The following ARHGEF37 variants were observed in gnomAD, a reference collection of about 807,000 sequenced individuals.
ARHGEF37 encodes Rho guanine nucleotide exchange factor 37.
ARHGEF37 carries 55 observed loss-of-function variants against 71.1 expected under a neutral mutation model. That is an observed-to-expected ratio of 0.77 (90% CI 0.62 to 0.97). The LOEUF is 0.97. Ranked by LOEUF, ARHGEF37 falls within the 50% of genes least tolerant of loss-of-function variation. The pLI is 0.00. For missense variants in ARHGEF37, 765 were observed against 836.8 expected (o/e 0.91, Z 1.06); for synonymous variants, 327 against 350.6 (o/e 0.93, Z 0.75).
At chr5:149,580,215 C>A (rs1763081048), upstream of ARHGEF37, among the ~76,000 whole-genome samples, 1 of 152,142 alleles carries the variant, frequency 6.6e-6, no homozygotes, top group African/African-American at 2.4e-5. Context: ...TGTGCACCAC[C>A]ACGCCCAGCT....
At chr5:149,556,854 A>G (rs1762763205) in intron 1 of ARHGEF37, among the ~76,000 whole-genome samples, 1 of 152,204 alleles carries the variant, frequency 6.6e-6, no homozygotes, top group Non-Finnish European at 1.5e-5. Flanking sequence ...CCTGTGCATA[A>G]TCAGCATCAG....
At chr5:149,558,785 A>C (rs1762789868) in intron 1 of ARHGEF37, among the ~76,000 whole-genome samples, 9 of 151,896 alleles carry the variant, frequency 5.9e-5, no homozygotes, top group Admixed American at 5.3e-4. Flanking sequence ...CTTTCCTTAT[A>C]AATGTGACAT....
chr5:149,606,987 C>T (rs1763931728), intron 3 of ARHGEF37, among the ~76,000 whole-genome samples: 4 of 152,200 alleles, frequency 2.6e-5, no homozygotes, highest in African/African-American at 9.6e-5. Context: ...GCAATCTCAG[C>T]TCACTGCTAC....
intron 1 of ARHGEF37, among the ~76,000 whole-genome samples, chr5:149,561,752 A>G (rs1464002935): frequency 6.6e-6 from 1 of 152,212 alleles, no homozygotes; most frequent in Non-Finnish European, 1.5e-5. Context: ...TAAATTTTCT[A>G]TTTTAATCAC....
At chr5:149,567,864 GAGTGGT>G (rs1762915632) in intron 1 of ARHGEF37, among the ~76,000 whole-genome samples, 1 of 152,144 alleles carries the variant, frequency 6.6e-6, no homozygotes, top group Admixed American at 6.6e-5. Flanking sequence ...TTTTAGTGGA[GAGTGGT>G]AGTATTTTAG....
intron 10 of ARHGEF37, among the ~76,000 whole-genome samples, chr5:149,626,193 C>T (rs1244136590): frequency 6.6e-6 from 1 of 151,382 alleles, no homozygotes; most frequent in East Asian, 2.0e-4. Context: ...TGCCTGCCTC[C>T]CCACACCCAG....
At chr5:149,599,416 A>G (rs1763685885) in intron 2 of ARHGEF37, among the ~76,000 whole-genome samples, 1 of 65,254 alleles carries the variant, frequency 1.5e-5, no homozygotes, top group Non-Finnish European at 2.6e-5. Context: ...CGGCTCACCC[A>G]GGAAAGCCCA....
chr5:149,588,713 C>T (rs1282347468), intron 1 of ARHGEF37, among the ~76,000 whole-genome samples: 1 of 152,034 alleles, frequency 6.6e-6, no homozygotes, highest in Non-Finnish European at 1.5e-5. Context: ...TTCCCCCCTT[C>T]CTTAAATGTT....
At chr5:149,592,030 C>A (rs1383583834) in intron 1 of ARHGEF37, among the ~76,000 whole-genome samples, 2 of 152,136 alleles carry the variant, frequency 1.3e-5, no homozygotes, top group Non-Finnish European at 2.9e-5. Flanking sequence ...AATTATACAT[C>A]AAGGTGAGGT....
At chr5:149,582,746 A>G (rs533368007) in intron 1 of ARHGEF37, among the ~76,000 whole-genome samples, 1 of 152,212 alleles carries the variant, frequency 6.6e-6, no homozygotes, top group South Asian at 2.1e-4. Context: ...TATCACAGGT[A>G]CCCTGAAACT....
At chr5:149,602,477 G>C (rs1763784380) in intron 3 of ARHGEF37, among the ~76,000 whole-genome samples, 1 of 146,550 alleles carries the variant, frequency 6.8e-6, no homozygotes, top group African/African-American at 2.5e-5. Context: ...AATGAGGATA[G>C]TCTCCTTTGG....
chr5:149,629,003 C>T (rs772669603), intron 12 of ARHGEF37, 37 bp downstream of exon 12: 62 of 1,591,050 alleles, frequency 3.9e-5, no homozygotes, highest in Admixed American at 8.6e-5. Context: ...TGCCTCCCAT[C>T]GGCCATCCGG....
At position 149,621,629 on chromosome 5, in the gene ARHGEF37, G is replaced by A. The variant is rs1015042671; in HGVS notation, c.1006-104G>A. Reference sequence around the variant, plus strand: ...GCTAAAGGTCCCAGCTAGTCAGTGGGAGTTAGACTGGAATCCAGGCCTGCA... The same window carrying A: ...GCTAAAGGTCCCAGCTAGTCAGTGGAAGTTAGACTGGAATCCAGGCCTGCA... On this transcript the variant is annotated intron_variant, in intron 8 of 12. Coordinates refer to ENST00000333677, the MANE Select transcript of ARHGEF37 (RefSeq NM_001001669.3). 5 of 1,073,362 alleles carry A rather than the reference G, an allele frequency of 4.7e-6. No homozygotes were observed. The Admixed American group carries it at 9.2e-5, about 20-fold the overall frequency. 66.5% of individuals were successfully genotyped at this position (1,073,362 alleles called of 1,614,324 possible).
At chr5:149,621,621 G>T in intron 8 of ARHGEF37, 112 bp from the exon 9 acceptor site, 1 of 986,332 alleles carries the variant, frequency 1.0e-6, no homozygotes, top group Non-Finnish European at 1.5e-6. Context: ...GTCCCAGCTA[G>T]TCAGTGGGAG....
Position 149,632,394 on chromosome 5 carries a change from A to G in ARHGEF37, c.*203A>G, listed in dbSNP as rs1752912862. The G allele has an allele frequency of 1.7e-6, 1 of 602,252 alleles. No individual in the cohort carries two copies. Among genetic ancestry groups the G allele is most frequent in the African/African-American group, 1.8e-5 (1 of 54,054 alleles). The allele number at this position is 602,252 out of a possible 1,614,324, so 37.3% of individuals were successfully genotyped here. On this transcript the variant is annotated 3_prime_UTR_variant, in exon 13 of 13. Transcript: ENST00000333677. ...GGTGGGGGCACAGGAGGCTCCAGCC[A>G]GGACTGCTCATTATGTCTGCATAAA...
chr5:149,631,144 C>T (rs1213575926), intron 12 of ARHGEF37, among the ~76,000 whole-genome samples: 9 of 109,230 alleles, frequency 8.2e-5, no homozygotes, highest in African/African-American at 2.6e-4. Flanking sequence ...TTCTTCCTTC[C>T]TTCTTTCCTT....
chr5:149,562,158 ACTGCAAAAAGACTTTCT>A (rs541679378), intron 1 of ARHGEF37, among the ~76,000 whole-genome samples: 204 of 152,260 alleles, frequency 1.3e-3, no homozygotes, highest in African/African-American at 4.6e-3. Flanking sequence ...GCCCAACACC[ACTGCAAAAAGACTTTCT>A]GCAGTGAACA....
intron 7 of ARHGEF37, 26 bp from the exon 8 acceptor site, chr5:149,620,328 A>G (rs1752502321): frequency 2.6e-6 from 4 of 1,539,262 alleles, no homozygotes; most frequent in Non-Finnish European, 3.5e-6. Context: ...GCATGATTGG[A>G]TGTTTCTCCT....
At chr5:149,570,797 A>G (rs1762954065) in intron 1 of ARHGEF37, among the ~76,000 whole-genome samples, 1 of 149,512 alleles carries the variant, frequency 6.7e-6, no homozygotes, top group Admixed American at 6.7e-5. Flanking sequence ...AATCGCTTGA[A>G]CCCGGGAGGC....
Sources: allele counts gnomAD v4.1 joint callset (sites outside exome capture counted in the v4.1 genomes callset), GRCh38; gene constraint gnomAD v4.1.1; transcripts MANE v1.5; gene names NCBI Gene and HGNC (gene_info 2026-07-23, HGNC 2026-07-21).